Variants in GABRG3 observed in about 807,000 individuals in gnomAD.
The protein encoded by GABRG3 is gamma-aminobutyric acid type A receptor subunit gamma3, also known as gamma-aminobutyric acid receptor subunit gamma-3.
In GABRG3, 25 loss-of-function variants were observed where a neutral mutation model predicts 48.8. The observed-to-expected ratio is 0.51, with a 90% CI of 0.37 to 0.72. GABRG3 has a LOEUF of 0.72. Ranked by LOEUF, GABRG3 falls within the 30% of genes least tolerant of loss-of-function variation. The pLI is 0.00. For missense variants in GABRG3, 394 were observed against 577.9 expected, an observed-to-expected ratio of 0.68 and a Z score of 3.26; for synonymous variants, 227 against 217.6, an observed-to-expected ratio of 1.04 and a Z score of -0.38.
rs145985586 is a variant in GABRG3, at chr15:27,286,535, G to A, written c.271-40274G>A. On this transcript the variant is annotated intron_variant, in intron 3 of 9. Transcript: ENST00000615808. ...CAATGGAAGAGAAGGGAATGGTAGC[G>A]AAAGGAGAGTAGTGTTAGAATTAAA... is the stretch of plus-strand genomic sequence containing the variant. 5.4e-3 allele frequency among the ~76,000 whole-genome samples: 820 copies of A among 152,306 alleles called. 7 individuals are homozygous for A. Among genetic ancestry groups the A allele is most frequent in the African/African-American group, 0.018 (746 of 41,566 alleles).
At chr15:27,402,733 T>A (rs1887510981) in intron 5 of GABRG3, among the ~76,000 whole-genome samples, 1 of 152,202 alleles carries the variant, frequency 6.6e-6, no homozygotes, top group Non-Finnish European at 1.5e-5. Context: ...TTTACAAATT[T>A]TCATATTCAA....
In GABRG3 at chr15:27,117,159, A is replaced by C. The variant is rs553285879; in HGVS notation, c.270+90338A>C. On this transcript the variant is annotated intron_variant, in intron 3 of 9. Transcript: ENST00000615808. ...GGAAGGAAACAATTTCAACCCAGAC[A>C]GTTTGGCTTTGCAGCCCAAAGCCTT... Among the ~76,000 whole-genome samples the C allele has an allele frequency of 1.3e-5, 2 of 152,232 alleles. 1 individual carries two copies. The highest frequency in any genetic ancestry group is 3.9e-4 in the East Asian group (2 of 5,188).
intron 3 of GABRG3, among the ~76,000 whole-genome samples, chr15:27,253,743 G>A (rs115444491): frequency 1.1e-3 from 164 of 152,306 alleles, no homozygotes; most frequent in African/African-American, 3.7e-3. Flanking sequence ...CTGGCAAGTC[G>A]GGGGCTCAGG....
intron 3 of GABRG3, among the ~76,000 whole-genome samples, chr15:27,105,137 G>C (rs183589948): frequency 5.3e-5 from 8 of 152,196 alleles, no homozygotes; most frequent in Admixed American, 2.0e-4. Context: ...AGAAGCTATG[G>C]TAATATTCAA....
rs142599067 is a variant in GABRG3 at position 27,043,624 on chromosome 15, G to A, written c.270+16803G>A. ...CAGAGCCCCCTCCTCTGCTCAGCTC[G>A]CTGGAACACTCATTCTATCTCATGG... On this transcript the variant is annotated intron_variant, in intron 3 of 9. Coordinates refer to ENST00000615808, the MANE Select transcript of GABRG3 (RefSeq NM_033223.5). 2.2e-4 allele frequency among the ~76,000 whole-genome samples: 34 copies of A among 152,236 alleles called. No individual in the cohort carries two copies. In the East Asian group the frequency reaches 6.2e-3, roughly 28 times the overall value.
chr15:27,276,361 A>G (rs1017673129), intron 3 of GABRG3, among the ~76,000 whole-genome samples: 6 of 152,130 alleles, frequency 3.9e-5, no homozygotes, highest in African/African-American at 1.2e-4. Flanking sequence ...CAATGGTGCA[A>G]ATGTGGTGGT....
intron 6 of GABRG3, among the ~76,000 whole-genome samples, chr15:27,490,929 T>G (rs1254954091): frequency 6.8e-6 from 1 of 147,300 alleles, no homozygotes; most frequent in Non-Finnish European, 1.5e-5. Flanking sequence ...CTTGCCGCAT[T>G]TCTGTGGCCA....
At chr15:27,419,352 T>A (rs2140608916) in intron 5 of GABRG3, among the ~76,000 whole-genome samples, 1 of 152,108 alleles carries the variant, frequency 6.6e-6, no homozygotes, top group South Asian at 2.1e-4. Flanking sequence ...TCTTCTAACT[T>A]TTTTTTCATG....
intron 2 of GABRG3, among the ~76,000 whole-genome samples, chr15:26,985,449 C>T (rs117306156): frequency 0.014 from 2,157 of 152,294 alleles, 33 homozygotes; most frequent in Non-Finnish European, 0.018. Flanking sequence ...TTTAAAACAA[C>T]TAAAAGCAAT....
At chr15:27,413,269 TATC>T (rs959376022) in intron 5 of GABRG3, among the ~76,000 whole-genome samples, 48 of 152,198 alleles carry the variant, frequency 3.2e-4, no homozygotes, top group African/African-American at 1.1e-3. Flanking sequence ...AAGTCTACCA[TATC>T]ATTTTATTTT....
intron 7 of GABRG3, among the ~76,000 whole-genome samples, chr15:27,522,865 A>G (rs1414877038): frequency 2.0e-5 from 3 of 151,964 alleles, no homozygotes; most frequent in Non-Finnish European, 2.9e-5. Context: ...TGATATTTAA[A>G]TATACTTCTA....
chr15:27,389,072 T>C (rs1242916364), intron 5 of GABRG3, among the ~76,000 whole-genome samples: 1 of 152,168 alleles, frequency 6.6e-6, no homozygotes, highest in African/African-American at 2.4e-5. Flanking sequence ...CACAAATCGA[T>C]ACCAACAACA....
intron 3 of GABRG3, among the ~76,000 whole-genome samples, chr15:27,087,989 C>T (rs1435388237): frequency 2.2e-5 from 3 of 139,046 alleles, no homozygotes; most frequent in African/African-American, 8.2e-5. Context: ...GTGCGTGTCT[C>T]TGTGTGTGAT....
intron 5 of GABRG3, among the ~76,000 whole-genome samples, chr15:27,429,684 G>T (rs1478290107): frequency 6.6e-6 from 1 of 152,148 alleles, no homozygotes; most frequent in Non-Finnish European, 1.5e-5. Context: ...TTTTGTGACT[G>T]ACCTCTTTCA....
In GABRG3 at chr15:27,470,375, C is replaced by T. The variant is rs943652853; in HGVS notation, c.575-10275C>T. On this transcript the variant is annotated intron_variant, in intron 5 of 9. Coordinates refer to ENST00000615808, the MANE Select transcript of GABRG3 (RefSeq NM_033223.5). ...AGTAACTGAGATTACAGGTGCACGC[C>T]GCCATGCCCAGCTATTTTTTTTTTA... is the stretch of plus-strand genomic sequence containing the variant. Among the ~76,000 whole-genome samples the T allele has an allele frequency of 2.0e-5, 3 of 151,784 alleles. 1 individual carries two copies. Among genetic ancestry groups the T allele is most frequent in the South Asian group, 4.2e-4 (2 of 4,802 alleles).
In GABRG3 at chr15:27,527,751, A is replaced by G. The variant is rs1264808740; in HGVS notation, c.1062+122A>G. 9 of 1,075,074 alleles carry G rather than the reference A, an allele frequency of 8.4e-6. No individual in the cohort carries two copies. In the African/African-American group the frequency reaches 1.4e-4, roughly 17 times the overall value. 66.6% of individuals were successfully genotyped at this position (1,075,074 alleles called of 1,614,324 possible). On this transcript the variant is annotated intron_variant, in intron 8 of 9. Coordinates refer to ENST00000615808, the MANE Select transcript of GABRG3 (RefSeq NM_033223.5). The stretch of plus-strand genomic sequence containing the variant: ...AAGCATGATACAAATACCCAGTTCA[A>G]CAAGACTTTTCAAAACCAGACAGGG...
At chr15:27,006,022 T>G (rs944626933) in intron 2 of GABRG3, among the ~76,000 whole-genome samples, 32 of 152,220 alleles carry the variant, frequency 2.1e-4, no homozygotes, top group African/African-American at 6.5e-4. Flanking sequence ...ATGTAATGAA[T>G]AAGAGAAAGG....
At chr15:27,532,475 G>A in intron 9 of GABRG3, 125 bp from the exon 10 acceptor site, 2 of 812,974 alleles carry the variant, frequency 2.5e-6, no homozygotes, top group South Asian at 3.9e-5. Context: ...ATGGGGGGAA[G>A]GGCACACCCA....
intron 3 of GABRG3, among the ~76,000 whole-genome samples, chr15:27,250,787 TAGTC>T (rs1890429295): frequency 1.3e-5 from 2 of 152,144 alleles, no homozygotes; most frequent in African/African-American, 4.8e-5. Context: ...CACATTTTCT[TAGTC>T]AATTAAGTCG....
Sources: allele counts gnomAD v4.1 joint callset (sites outside exome capture counted in the v4.1 genomes callset), GRCh38; gene constraint gnomAD v4.1.1; transcripts MANE v1.5; gene names NCBI Gene and HGNC (gene_info 2026-07-23, HGNC 2026-07-21).